ARHGAP32: variants seen among roughly 807,000 people sequenced by gnomAD.
The protein encoded by ARHGAP32 is rho GTPase-activating protein 32.
A neutral mutation model predicts 186.5 loss-of-function variants in ARHGAP32; 51 were observed. The ratio of observed to expected loss-of-function variants is 0.27; its 90% CI spans 0.22 to 0.35. The LOEUF (loss-of-function observed/expected upper bound fraction) is 0.35. ARHGAP32 is among the 10% of genes least tolerant of loss of function. The pLI is 1.00. For synonymous variants in ARHGAP32, 950 were observed against 964.3 expected (o/e 0.99, Z 0.27); for missense variants, 2,186 against 2,623.5 (o/e 0.83, Z 3.64).
chr11:129,160,656 G>A (rs1943510592), intron 2 of ARHGAP32, among the ~76,000 whole-genome samples: 1 of 152,162 alleles, frequency 6.6e-6, no homozygotes, highest in Non-Finnish European at 1.5e-5. Context: ...TGAAATAAGA[G>A]AGGACACAAA....
chr11:129,233,406 G>A (rs942578173), intron 1 of ARHGAP32, among the ~76,000 whole-genome samples: 7 of 152,054 alleles, frequency 4.6e-5, no homozygotes, highest in South Asian at 2.1e-4. Context: ...ACTCACAGCA[G>A]GCGATACAAA....
At chr11:128,977,782 T>C (rs1454555151) in intron 19 of ARHGAP32, among the ~76,000 whole-genome samples, 1 of 151,902 alleles carries the variant, frequency 6.6e-6, no homozygotes, top group African/African-American at 2.4e-5. Flanking sequence ...GCTCAAGTAA[T>C]CCTCCTGCTT....
chr11:129,262,489 T>C (rs945842418), intron 1 of ARHGAP32, among the ~76,000 whole-genome samples: 1 of 152,052 alleles, frequency 6.6e-6, no homozygotes, highest in African/African-American at 2.4e-5. Flanking sequence ...GTTCAAGCGA[T>C]TCTTATGTCT....
At chr11:129,097,804 A>G (rs567314390) in intron 5 of ARHGAP32, among the ~76,000 whole-genome samples, 2 of 152,282 alleles carry the variant, frequency 1.3e-5, no homozygotes, top group East Asian at 3.9e-4. Flanking sequence ...CATGAATATC[A>G]ACATCCAAGA....
At chr11:129,151,407 A>C (rs1565445818) in intron 2 of ARHGAP32, among the ~76,000 whole-genome samples, 1 of 152,184 alleles carries the variant, frequency 6.6e-6, no homozygotes, top group Non-Finnish European at 1.5e-5. Flanking sequence ...TCTACCCAAC[A>C]ACTGCAGAAT....
chr11:128,989,516 T>TCACTCACA (rs1555065784), intron 12 of ARHGAP32, among the ~76,000 whole-genome samples: 22 of 138,926 alleles, frequency 1.6e-4, no homozygotes, highest in African/African-American at 5.5e-4. Flanking sequence ...GTTTTTTATT[T>TCACTCACA]CACACACACA....
intron 11 of ARHGAP32, among the ~76,000 whole-genome samples, chr11:129,032,392 A>G (rs554382532): frequency 6.6e-6 from 1 of 152,340 alleles, no homozygotes; most frequent in African/African-American, 2.4e-5. Context: ...TTCCATTTCA[A>G]TTATAAAAAA....
At chr11:129,267,359 ACT>A (rs1039304345) in intron 1 of ARHGAP32, among the ~76,000 whole-genome samples, 5 of 151,906 alleles carry the variant, frequency 3.3e-5, no homozygotes, top group Non-Finnish European at 5.9e-5. Context: ...ACAAAGCAAG[ACT>A]CTGTCTCAAA....
chr11:129,164,362 T>A lies in ARHGAP32; in HGVS notation c.182A>T (p.His61Leu). 1 of 1,583,920 alleles carries A rather than the reference T, an allele frequency of 6.3e-7. No individual in the cohort carries two copies. The highest frequency in any genetic ancestry group is 8.6e-7 in the Non-Finnish European group (1 of 1,163,516). Reference protein sequence around the residue: ...DFVPELHRNVHPRERPDWEET... With the variant: ...DFVPELHRNVLPRERPDWEET... Reference sequence around the variant, plus strand: ...TTCCCAATCAGGCCGCTCTCGAGGGTGTACATTTCTATGTAGCTCTGGAAC... The same window carrying A: ...TTCCCAATCAGGCCGCTCTCGAGGGAGTACATTTCTATGTAGCTCTGGAAC... The change falls in exon 2 of 23, where the codon CAC (histidine) becomes CTC (leucine). Residue 61 changes from histidine to leucine, a missense_variant. Transcript: ENST00000682385.
At chr11:129,237,990 T>C (rs1017166781) in intron 1 of ARHGAP32, among the ~76,000 whole-genome samples, 1 of 152,080 alleles carries the variant, frequency 6.6e-6, no homozygotes, top group Admixed American at 6.6e-5. Context: ...TGAAGACGCA[T>C]TTTGATGGTA....
rs1945689526 is a variant in ARHGAP32 at position 128,980,892 on chromosome 11, A to G, written c.1781-144T>C. ...TAAATAGCAAAAACCATAGTGCTTT[A>G]TATTAAATGAAAAACTGAAGGGGAC... On this transcript the variant is annotated intron_variant, in intron 17 of 22. Coordinates refer to ENST00000682385, the MANE Select transcript of ARHGAP32 (RefSeq NM_001378024.1). 5.2e-6 allele frequency: 3 copies of G among 582,350 alleles called. No homozygotes were observed. The South Asian group carries it at 8.8e-5, about 17-fold the overall frequency. The allele number at this position is 582,350 out of a possible 1,614,324, so 36.1% of individuals were successfully genotyped here.
At position 129,024,194 on chromosome 11, in the gene ARHGAP32, G is replaced by C. The variant is rs373216744; in HGVS notation, c.1045+16734C>G. The C allele has an allele frequency of 1.4e-4, 139 of 985,364 alleles. No homozygotes were observed. In the South Asian group the frequency reaches 5.2e-3, roughly 37 times the overall value. The allele number at this position is 985,364 out of a possible 1,614,324, so 61.0% of individuals were successfully genotyped here. ...CTCCTCTCTCAGCACATACTGCTTT[G>C]CAACACCACAGAAACGCCCCAGCCT... On this transcript the variant is annotated intron_variant, in intron 11 of 22. Transcript: ENST00000682385.
At chr11:129,232,666 G>A (rs1944874440) in intron 1 of ARHGAP32, among the ~76,000 whole-genome samples, 2 of 152,238 alleles carry the variant, frequency 1.3e-5, no homozygotes, top group Admixed American at 1.3e-4. Flanking sequence ...AGGCTGGGGG[G>A]AAAAATTTCC....
At chr11:129,267,543 A>G (rs962105118) in intron 1 of ARHGAP32, among the ~76,000 whole-genome samples, 14 of 73,218 alleles carry the variant, frequency 1.9e-4, no homozygotes, top group African/African-American at 7.4e-4. Flanking sequence ...AAAACAAAAC[A>G]AAAAAAACAA....
At chr11:129,222,636 C>G (rs1205866186) in intron 1 of ARHGAP32, among the ~76,000 whole-genome samples, 1 of 152,086 alleles carries the variant, frequency 6.6e-6, no homozygotes, top group Non-Finnish European at 1.5e-5. Flanking sequence ...CAGAAATACA[C>G]CTGGGAAAAC....
chr11:129,250,082 T>C (rs564376610), intron 1 of ARHGAP32, among the ~76,000 whole-genome samples: 25 of 151,196 alleles, frequency 1.7e-4, no homozygotes, highest in African/African-American at 5.6e-4. Context: ...CTGGGTGTGG[T>C]AGTACATGCC....
chr11:129,124,170 T>A lies in ARHGAP32; in HGVS notation c.318-241A>T, dbSNP rs184380081. On this transcript the variant is annotated intron_variant, in intron 3 of 22. Transcript: ENST00000682385. ...GGATATCTTGGGGCTGGGACCCAAG[T>A]CTAAACACAAAATTCATTTATATTT... Among the ~76,000 whole-genome samples the A allele has an allele frequency of 1.7e-4, 26 of 152,270 alleles. No homozygotes were observed. In the East Asian group the frequency reaches 3.9e-3, roughly 23 times the overall value.
At chr11:129,064,052 T>C (rs1386190173) in intron 8 of ARHGAP32, 28 bp from the exon 9 acceptor site, 3 of 1,569,050 alleles carry the variant, frequency 1.9e-6, no homozygotes, top group African/African-American at 2.8e-5. Context: ...TACTATGAGA[T>C]AAAGACACTG....
intron 1 of ARHGAP32, among the ~76,000 whole-genome samples, chr11:129,171,482 G>A (rs1232280890): frequency 6.6e-6 from 1 of 152,178 alleles, no homozygotes; most frequent in Non-Finnish European, 1.5e-5. Flanking sequence ...GAGGGTTGTA[G>A]ATGTGTGGTG....
Sources: gnomAD v4.1 joint callset for allele counts (sites outside exome capture counted in the v4.1 genomes callset) on GRCh38, gnomAD v4.1.1 for gene constraint, MANE v1.5 for transcripts, NCBI Gene and HGNC (gene_info 2026-07-23, HGNC 2026-07-21) for gene names.